COMMD6: variants seen among roughly 807,000 people sequenced by gnomAD.
COMMD6 encodes COMM domain containing 6, also known as COMM domain-containing protein 6.
A neutral mutation model predicts 13.4 loss-of-function variants in COMMD6; 11 were observed. That is an observed-to-expected ratio of 0.82 (90% CI 0.52 to 1.36). The LOEUF (loss-of-function observed/expected upper bound fraction) is 1.36. Among genes scored for constraint, COMMD6 ranks in the 40% most tolerant of loss-of-function variants. COMMD6 has a pLI of 0.00. For synonymous variants in COMMD6, 43 were observed against 36.5 expected, an observed-to-expected ratio of 1.18 and a Z score of -0.64; for missense variants, 124 against 102.4, an observed-to-expected ratio of 1.21 and a Z score of -0.91.
upstream of COMMD6, among the ~76,000 whole-genome samples, chr13:75,539,229 CTT>C (rs71127551): frequency 3.4e-5 from 3 of 88,718 alleles, no homozygotes; most frequent in Admixed American, 1.3e-4. Flanking sequence ...AAACAATTAA[CTT>C]TTTTTTTTTT....
At chr13:75,540,517 T>A (rs1414131244), upstream of COMMD6, among the ~76,000 whole-genome samples, 1 of 152,208 alleles carries the variant, frequency 6.6e-6, no homozygotes, top group East Asian at 1.9e-4. Flanking sequence ...ATGAGTGCAC[T>A]TCAAAAACCT....
At chr13:75,535,206 CAAT>C (rs2030621672) in intron 2 of COMMD6, among the ~76,000 whole-genome samples, 1 of 152,162 alleles carries the variant, frequency 6.6e-6, no homozygotes, top group Non-Finnish European at 1.5e-5. Context: ...GTTCAGGGAA[CAAT>C]GAGGCCCAGG....
In COMMD6 at chr13:75,526,505, G is replaced by A. The variant is rs1344470616; in HGVS notation, c.*84C>T. The A allele has an allele frequency of 1.1e-6, 1 of 914,456 alleles. No homozygotes were observed. 56.6% of individuals were successfully genotyped at this position (914,456 alleles called of 1,614,324 possible). On this transcript the variant is annotated 3_prime_UTR_variant, in exon 4 of 4. Transcript: ENST00000682242. Reference sequence around the variant, plus strand: ...AAAGTGCATTTTTCATTCAATAAATGTTCCATCCTTATTTAGTTTTGTTGC... The same window carrying A: ...AAAGTGCATTTTTCATTCAATAAATATTCCATCCTTATTTAGTTTTGTTGC...
chr13:75,548,771 A>T (rs1457519454), intron 1 of COMMD6, among the ~76,000 whole-genome samples: 1 of 152,192 alleles, frequency 6.6e-6, no homozygotes, highest in Admixed American at 6.5e-5. Flanking sequence ...AAAAAGAGAC[A>T]CTGCTACTGG....
chr13:75,526,392 A>G lies in COMMD6; in HGVS notation c.*197T>C. 1 of 497,042 alleles carries G rather than the reference A, an allele frequency of 2.0e-6. No individual in the cohort carries two copies. Among genetic ancestry groups the G allele is most frequent in the Non-Finnish European group, 3.6e-6 (1 of 279,346 alleles). 30.8% of individuals were successfully genotyped at this position (497,042 alleles called of 1,614,324 possible). ...TCTAAAGTGTCTAATTATCACTTTT[A>G]TAAAGCACATTCACAAAGTTTTGCA... On this transcript the variant is annotated 3_prime_UTR_variant, in exon 4 of 4. Coordinates refer to ENST00000682242, the MANE Select transcript of COMMD6 (RefSeq NM_203495.4).
At chr13:75,531,385 G>C (rs1316064079) in intron 2 of COMMD6, among the ~76,000 whole-genome samples, 1 of 152,104 alleles carries the variant, frequency 6.6e-6, no homozygotes. Context: ...GTATGGAATA[G>C]GGGAAGGCAT....
chr13:75,525,292 A>T lies in COMMD6; in HGVS notation c.*1297T>A, dbSNP rs1703979237. ...GGCCTAACTTTGGGTCTTTTTGCAT[A>T]TTGCCTTAAACCTAGAAATGCTACC... On this transcript the variant is annotated 3_prime_UTR_variant, in exon 4 of 4. Transcript: ENST00000682242. The T allele has an allele frequency of 6.6e-6, 1 of 152,152 alleles. No individual in the cohort carries two copies. The highest frequency in any genetic ancestry group is 2.4e-5 in the African/African-American group (1 of 41,424). 9.4% of individuals were successfully genotyped at this position (152,152 alleles called of 1,614,324 possible). A position where few individuals can be genotyped will look rare whatever the true frequency, so the allele number is the denominator to read the frequency against.
upstream of COMMD6, among the ~76,000 whole-genome samples, chr13:75,538,537 A>G (rs893227295): frequency 1.3e-5 from 2 of 152,194 alleles, no homozygotes; most frequent in African/African-American, 4.8e-5. Context: ...CGCATTGTAC[A>G]TATTTGCTTT....
At chr13:75,540,325 TACACACACACACACACACCCAC>T (rs2030804599), upstream of COMMD6, among the ~76,000 whole-genome samples, 1 of 101,928 alleles carries the variant, frequency 9.8e-6, no homozygotes, top group African/African-American at 3.6e-5. Context: ...GGGTGGTAAA[TACACACACACACACACACCCAC>T]ACACACACAC....
upstream of COMMD6, among the ~76,000 whole-genome samples, chr13:75,539,471 C>T (rs76562318): frequency 0.022 from 3,292 of 152,210 alleles, 39 homozygotes; most frequent in Middle Eastern, 0.027. Flanking sequence ...AACTCCTGTC[C>T]TCACGTAATC....
At chr13:75,537,952 T>G (rs1171836453), upstream of COMMD6, 16 of 745,990 alleles carry the variant, frequency 2.1e-5, no homozygotes, top group Admixed American at 2.9e-5. Context: ...GACTCATATT[T>G]TTTCTTAATT....
At chr13:75,548,813 T>C (rs1324974888) in intron 1 of COMMD6, among the ~76,000 whole-genome samples, 1 of 152,214 alleles carries the variant, frequency 6.6e-6, no homozygotes, top group African/African-American at 2.4e-5. Flanking sequence ...GTGAAAAAGA[T>C]ACATGACAAA....
chr13:75,535,095 A>G (rs2030616524), intron 2 of COMMD6, among the ~76,000 whole-genome samples: 1 of 152,178 alleles, frequency 6.6e-6, no homozygotes, highest in African/African-American at 2.4e-5. Flanking sequence ...GACCTCTTTC[A>G]TGCGGCTTTT....
chr13:75,545,284 C>T (rs1314320100), intron 1 of COMMD6, among the ~76,000 whole-genome samples: 2 of 152,220 alleles, frequency 1.3e-5, no homozygotes, highest in African/African-American at 2.4e-5. Context: ...CCCAACCCCA[C>T]AGCCCTAGGG....
At chr13:75,540,115 C>T (rs183094540), upstream of COMMD6, among the ~76,000 whole-genome samples, 27 of 151,846 alleles carry the variant, frequency 1.8e-4, no homozygotes, top group East Asian at 3.3e-3. Flanking sequence ...GGATTACAGG[C>T]GCATGCCACC....
At chr13:75,536,711 A>C (rs1356610349) in intron 2 of COMMD6, among the ~76,000 whole-genome samples, 1 of 152,324 alleles carries the variant, frequency 6.6e-6, no homozygotes, top group East Asian at 1.9e-4. Context: ...TGCTTTTAGC[A>C]CCGTAAGACT....
rs984006200 is a variant in COMMD6 at position 75,525,583 on chromosome 13, G to C, written c.*1006C>G. 6.6e-6 allele frequency: 1 copy of C among 152,252 alleles called. No individual in the cohort carries two copies. Among genetic ancestry groups the C allele is most frequent in the African/African-American group, 2.4e-5 (1 of 41,446 alleles). The allele number at this position is 152,252 out of a possible 1,614,324, so 9.4% of individuals were successfully genotyped here. The stretch of plus-strand genomic sequence containing the variant: ...CTGTGGGTAGTTGGTATGCACAAAT[G>C]GCCCATCAGCTAACTCATCAAGCTG... On this transcript the variant is annotated 3_prime_UTR_variant, in exon 4 of 4. Transcript: ENST00000682242.
At chr13:75,544,267 CAT>C (rs2030868535) in intron 1 of COMMD6, among the ~76,000 whole-genome samples, 2 of 152,176 alleles carry the variant, frequency 1.3e-5, no homozygotes, top group South Asian at 2.1e-4. Context: ...GGCCTACTCA[CAT>C]GATTGAAAAA....
chr13:75,537,551 C>T (rs2030716094), intron 2 of COMMD6, 113 bp downstream of exon 2: 2 of 1,560,436 alleles, frequency 1.3e-6, no homozygotes, highest in African/African-American at 1.4e-5. Flanking sequence ...CTGAAGGTCA[C>T]CGGCTCGCGG....
Sources: gnomAD v4.1 joint callset for allele counts (sites outside exome capture counted in the v4.1 genomes callset) on GRCh38, gnomAD v4.1.1 for gene constraint, MANE v1.5 for transcripts, NCBI Gene and HGNC (gene_info 2026-07-23, HGNC 2026-07-21) for gene names.